ELP1: variants seen among roughly 807,000 people sequenced by gnomAD.
The protein encoded by ELP1 is elongator complex protein 1.
Under a neutral mutation model 183.2 loss-of-function variants are expected in ELP1, and 131 were observed. The ratio of observed to expected loss-of-function variants is 0.72; its 90% CI spans 0.62 to 0.83. The LOEUF is 0.83. Ranked by LOEUF, ELP1 falls within the 40% of genes least tolerant of loss-of-function variation. The probability of loss-of-function intolerance (pLI) is 0.00; values close to 1 mark genes in which losing one functional copy is unlikely to be tolerated. For missense variants in ELP1, 1,550 were observed against 1,594.9 expected (o/e 0.97, Z 0.48); for synonymous variants, 555 against 569.0 (o/e 0.98, Z 0.35).
intron 12 of ELP1, among the ~76,000 whole-genome samples, chr9:108,910,476 C>T (rs1829171092): frequency 6.6e-6 from 1 of 152,206 alleles, no homozygotes; most frequent in African/African-American, 2.4e-5. Context: ...ATTTCAGATT[C>T]TCCAGCACAT....
At chr9:108,873,617 C>A (rs543748993) in intron 36 of ELP1, among the ~76,000 whole-genome samples, 189 of 152,314 alleles carry the variant, frequency 1.2e-3, no homozygotes, top group African/African-American at 4.2e-3. Context: ...AGGTCAGCAT[C>A]AGGCCAGCAA....
chr9:108,873,790 G>GAGAC (rs1265057117), intron 36 of ELP1, among the ~76,000 whole-genome samples: 2 of 152,182 alleles, frequency 1.3e-5, no homozygotes, highest in Non-Finnish European at 2.9e-5. Flanking sequence ...GGAGGCCGAG[G>GAGAC]CAGGAGGATC....
chr9:108,869,711 A>C (rs1293197954), intron 36 of ELP1, among the ~76,000 whole-genome samples: 3 of 152,166 alleles, frequency 2.0e-5, no homozygotes, highest in Non-Finnish European at 4.4e-5. Context: ...TTAGGAAAAG[A>C]TTCTGTCATT....
At chr9:108,903,822 TATACACAC>T (rs1222509912) in intron 14 of ELP1, among the ~76,000 whole-genome samples, 153 bp from the exon 15 acceptor site, 3 of 55,152 alleles carry the variant, frequency 5.4e-5, no homozygotes, top group Non-Finnish European at 1.2e-4. Context: ...CACCCAATAC[TATACACAC>T]ACACACACAC....
chr9:108,923,802 G>A (rs1240610049), intron 5 of ELP1, among the ~76,000 whole-genome samples: 1 of 152,190 alleles, frequency 6.6e-6, no homozygotes, highest in Non-Finnish European at 1.5e-5. Flanking sequence ...CAGAGTTGCT[G>A]AAACAACACA....
Position 108,891,309 on chromosome 9 carries a change from A to G in ELP1, c.3054T>C (p.Ala1018=). Residue 1018 remains alanine, a synonymous_variant, in exon 28 of 37, where the codon GCT becomes GCC. Transcript: ENST00000374647. The part of the protein sequence containing the change: ...MFARCGAHEK[A]LSAFLTCGNW... ...TGCCACATGTCAGAAAGGCTGAGAG[A>G]GCTTTCTCGTGGGCACCGCAACGGG... 6.2e-7 allele frequency: 1 copy of G among 1,614,158 alleles called. No individual in the cohort carries two copies.
At chr9:108,877,048 T>C (rs1036559192) in intron 35 of ELP1, among the ~76,000 whole-genome samples, 2 of 152,166 alleles carry the variant, frequency 1.3e-5, no homozygotes, top group African/African-American at 4.8e-5. Context: ...CGGCTGGCTT[T>C]TCCCCCAGCA....
rs1243490348 is a variant in ELP1 at position 108,916,312 on chromosome 9, A to T, written c.865-15T>A. 6.3e-7 allele frequency: 1 copy of T among 1,593,180 alleles called. No individual in the cohort carries two copies. Reference sequence around the variant, plus strand: ...AAGTCATTTACCTAGAAGGGAAAAAAGATCTGTCATTGGCTTTCAGTTATG... The same window carrying T: ...AAGTCATTTACCTAGAAGGGAAAAATGATCTGTCATTGGCTTTCAGTTATG... On this transcript the variant is annotated splice_polypyrimidine_tract_variant and intron_variant, in intron 9 of 36. Coordinates refer to ENST00000374647, the MANE Select transcript of ELP1 (RefSeq NM_003640.5).
intron 29 of ELP1, among the ~76,000 whole-genome samples, 171 bp from the exon 30 acceptor site, chr9:108,882,358 A>G (rs1827963576): frequency 6.6e-6 from 1 of 152,154 alleles, no homozygotes; most frequent in African/African-American, 2.4e-5. Context: ...ATATTGATAC[A>G]AAAGACAAGG....
In ELP1 at chr9:108,868,972, G is replaced by T; in HGVS notation, c.*143C>A. 1 of 747,290 alleles carries T rather than the reference G, an allele frequency of 1.3e-6. No individual in the cohort carries two copies. Among genetic ancestry groups the T allele is most frequent in the East Asian group, 2.5e-5 (1 of 39,944 alleles). 46.3% of individuals were successfully genotyped at this position (747,290 alleles called of 1,614,324 possible). Reference sequence around the variant, plus strand: ...TAAATAGAATTGCTTGTTGTCTGCTGAAGTTCTTGGCAATGCTAAGGTAAG... The same window carrying T: ...TAAATAGAATTGCTTGTTGTCTGCTTAAGTTCTTGGCAATGCTAAGGTAAG... On this transcript the variant is annotated 3_prime_UTR_variant, in exon 37 of 37. Coordinates refer to ENST00000374647, the MANE Select transcript of ELP1 (RefSeq NM_003640.5).
At position 108,923,681 on chromosome 9, in the gene ELP1, T is replaced by C. The variant is rs992810604; in HGVS notation, c.467-754A>G. ...ACAGCTCCTCACATAGACTTAGAGA[T>C]TGAGACCCTCCCTAATGGTGGAGCC... On this transcript the variant is annotated intron_variant, in intron 5 of 36. Transcript: ENST00000374647. 1.2e-4 allele frequency among the ~76,000 whole-genome samples: 18 copies of C among 152,144 alleles called. 1 individual carries two copies. Among genetic ancestry groups the C allele is most frequent in the Admixed American group, 1.2e-3 (18 of 15,274 alleles).
intron 36 of ELP1, 73 bp downstream of exon 36, chr9:108,874,822 G>A (rs1827637773): frequency 9.7e-7 from 1 of 1,030,624 alleles, no homozygotes; most frequent in South Asian, 1.3e-5. Flanking sequence ...TTATACTGCT[G>A]ATCTTCTCAA....
At chr9:108,906,259 C>G in intron 14 of ELP1, 44 bp downstream of exon 14, 1 of 1,600,918 alleles carries the variant, frequency 6.2e-7, no homozygotes, top group Non-Finnish European at 8.6e-7. Flanking sequence ...AAAAACCTAA[C>G]TCCATTTGCT....
At chr9:108,926,631 T>C (rs1321689650) in intron 4 of ELP1, 28 bp from the exon 5 acceptor site, 1 of 1,588,014 alleles carries the variant, frequency 6.3e-7, no homozygotes, top group Non-Finnish European at 8.6e-7. Flanking sequence ...AAAAATGATT[T>C]TGTTTTCATG....
chr9:108,898,854 G>A, intron 20 of ELP1, 105 bp from the exon 21 acceptor site: 1 of 767,130 alleles, frequency 1.3e-6, no homozygotes, highest in South Asian at 1.5e-5. Flanking sequence ...TCAGATTACA[G>A]CCCCAATGCC....
chr9:108,930,438 C>G (rs993114180), intron 2 of ELP1, among the ~76,000 whole-genome samples: 1 of 152,150 alleles, frequency 6.6e-6, no homozygotes, highest in Non-Finnish European at 1.5e-5. Flanking sequence ...CAATTAAAAA[C>G]CACTCTTGGC....
intron 8 of ELP1, 70 bp downstream of exon 8, chr9:108,918,741 C>G: frequency 9.9e-7 from 1 of 1,006,264 alleles, no homozygotes; most frequent in Non-Finnish European, 1.6e-6. Context: ...TCTGTATCAT[C>G]TGTATCCATG....
At chr9:108,893,572 G>A (rs527837817) in intron 26 of ELP1, among the ~76,000 whole-genome samples, 11 of 152,266 alleles carry the variant, frequency 7.2e-5, no homozygotes, top group South Asian at 2.1e-4. Context: ...TGCAGGGCAC[G>A]GGGAGGTGGC....
At chr9:108,927,199 T>TTA (rs992102275) in intron 4 of ELP1, among the ~76,000 whole-genome samples, 173 bp downstream of exon 4, 21 of 151,992 alleles carry the variant, frequency 1.4e-4, no homozygotes, top group South Asian at 8.3e-4. Flanking sequence ...ACTCTACGTT[T>TTA]TATATATATA....
Sources: allele counts gnomAD v4.1 joint callset (sites outside exome capture counted in the v4.1 genomes callset), GRCh38; gene constraint gnomAD v4.1.1; transcripts MANE v1.5; gene names NCBI Gene and HGNC (gene_info 2026-07-23, HGNC 2026-07-21).